Variants in TIMELESS observed in about 807,000 individuals in gnomAD.
TIMELESS encodes the protein protein timeless homolog.
Under a neutral mutation model 164.3 loss-of-function variants are expected in TIMELESS, and 124 were observed. That is an observed-to-expected ratio of 0.75 (90% CI 0.65 to 0.88). The LOEUF (loss-of-function observed/expected upper bound fraction) is 0.88, where lower values mean the gene tolerates loss of function less well. Among genes scored for constraint, TIMELESS ranks in the 40% least tolerant of loss-of-function variants. The probability of loss-of-function intolerance (pLI) is 0.00; values close to 1 mark genes in which losing one functional copy is unlikely to be tolerated. For missense variants in TIMELESS, 1,422 were observed against 1,491.4 expected (o/e 0.95, Z 0.77); for synonymous variants, 564 against 563.4 (o/e 1.00, Z -0.02).
chr12:56,430,987 C>G lies in TIMELESS; in HGVS notation c.822-19G>C, dbSNP rs115879445. On this transcript the variant is annotated intron_variant, in intron 8 of 28. Coordinates refer to ENST00000553532, the MANE Select transcript of TIMELESS (RefSeq NM_003920.5). The stretch of plus-strand genomic sequence containing the variant: ...AGAATGCCTGCAGAAACAAAAAGGT[C>G]CAAGGTGATTTTTCAGTTCTCTGGA... The G allele has an allele frequency of 1.4e-3, 2,148 of 1,528,642 alleles. 19 individuals are homozygous for G. In the African/African-American group the frequency reaches 0.027, roughly 19 times the overall value. The allele number at this position is 1,528,642 out of a possible 1,614,324, so 94.7% of individuals were successfully genotyped here. A position where few individuals can be genotyped will look rare whatever the true frequency, so the allele number is the denominator to read the frequency against.
chr12:56,447,659 C>T (rs1444899080), intron 1 of TIMELESS, among the ~76,000 whole-genome samples: 1 of 152,120 alleles, frequency 6.6e-6, no homozygotes, highest in East Asian at 1.9e-4. Context: ...AAGCCTGGCG[C>T]TAAGCACAGT....
In TIMELESS at chr12:56,424,762, C is replaced by T. The variant is rs377206839; in HGVS notation, c.1868G>A (p.Arg623Gln). The T allele has an allele frequency of 2.0e-5, 33 of 1,613,320 alleles. No individual in the cohort carries two copies. In the African/African-American group the frequency reaches 2.4e-4, roughly 12 times the overall value. ...PQALTLLRSA[R>Q]EVWPEGDVFG... is the part of the protein sequence containing the mutation. ...GAGGATGAGCAGGCAGGGTTCTTAC[C>T]GAGCAGACCTCAGGAGAGTCAGGGC... The change falls in exon 15 of 29, where the codon CGG (arginine) becomes CAG (glutamine). Residue 623 changes from arginine to glutamine, a missense_variant and splice_region_variant. Coordinates refer to ENST00000553532, the MANE Select transcript of TIMELESS (RefSeq NM_003920.5).
At chr12:56,433,512 C>A in intron 4 of TIMELESS, 26 bp downstream of exon 4, 1 of 1,614,000 alleles carries the variant, frequency 6.2e-7, no homozygotes, top group South Asian at 1.1e-5. Flanking sequence ...ATATTCCACC[C>A]CAGGGACTCC....
chr12:56,417,632 T>A lies in TIMELESS; in HGVS notation c.*84A>T, dbSNP rs1304475294. 1 of 1,344,896 alleles carries A rather than the reference T, an allele frequency of 7.4e-7. No individual in the cohort carries two copies. The highest frequency in any genetic ancestry group is 1.1e-6 in the Non-Finnish European group (1 of 937,732). The allele number at this position is 1,344,896 out of a possible 1,614,324, so 83.3% of individuals were successfully genotyped here. On this transcript the variant is annotated 3_prime_UTR_variant, in exon 29 of 29. Coordinates refer to ENST00000553532, the MANE Select transcript of TIMELESS (RefSeq NM_003920.5). ...TGCTCTGTCCAGTAAGAGGAGCTTC[T>A]GGGTCCTGTATGACCCTTCCAACTC...
intron 13 of TIMELESS, 30 bp downstream of exon 13, chr12:56,428,206 C>T: frequency 6.4e-7 from 1 of 1,551,278 alleles, no homozygotes; most frequent in African/African-American, 1.4e-5. Context: ...TCCCTTACAG[C>T]TCTTTCTACA....
At chr12:56,442,926 T>A (rs1868297353) in intron 1 of TIMELESS, among the ~76,000 whole-genome samples, 2 of 152,232 alleles carry the variant, frequency 1.3e-5, no homozygotes, top group South Asian at 4.1e-4. Context: ...ACTTCCCCAA[T>A]CAATACTCTT....
rs1260803398 is a variant in TIMELESS at position 56,432,388 on chromosome 12, G to C, written c.668C>G (p.Ser223Cys). Reference protein sequence around the residue: ...QWSLHVLEIVSLMFRDQNPEQ... With the variant: ...QWSLHVLEIVCLMFRDQNPEQ... Reference sequence around the variant, plus strand: ...TCTCACCTGGTCACGAAACATAAGGGAGACAATCTCTAGCACATGTAGGCT... The same window carrying C: ...TCTCACCTGGTCACGAAACATAAGGCAGACAATCTCTAGCACATGTAGGCT... Residue 223 changes from serine to cysteine, a missense_variant, in exon 7 of 29, where the codon TCC (serine) becomes TGC (cysteine). Coordinates refer to ENST00000553532, the MANE Select transcript of TIMELESS (RefSeq NM_003920.5). The C allele has an allele frequency of 6.2e-7, 1 of 1,614,036 alleles. No individual in the cohort carries two copies. Among genetic ancestry groups the C allele is most frequent in the Non-Finnish European group, 8.5e-7 (1 of 1,179,886 alleles).
intron 20 of TIMELESS, 39 bp downstream of exon 20, chr12:56,422,067 G>C (rs779457491): frequency 1.9e-6 from 3 of 1,613,504 alleles, no homozygotes; most frequent in Non-Finnish European, 2.5e-6. Context: ...AGCTCAAGCT[G>C]CCCTCCTCAT....
Position 56,420,609 on chromosome 12 carries a change from A to T in TIMELESS, c.3188T>A (p.Leu1063Gln), listed in dbSNP as rs374080380. 2 of 1,614,252 alleles carry T rather than the reference A, an allele frequency of 1.2e-6. No individual in the cohort carries two copies. The highest frequency in any genetic ancestry group is 8.5e-7 in the Non-Finnish European group (1 of 1,180,046). ...GGGCCGAACCCCTAGCTTGCGCAACAGCTGCTGAAACTGTTCGTTTTCCAT... is the reference window on the plus strand; with the variant it reads ...GGGCCGAACCCCTAGCTTGCGCAACTGCTGCTGAAACTGTTCGTTTTCCAT... ...EAMENEQFQQ[L>Q]LRKLGVRPPA... is the part of the protein sequence containing the mutation. The change falls in exon 26 of 29, where the codon CTG (leucine) becomes CAG (glutamine). Residue 1063 changes from leucine to glutamine, a missense_variant. By Grantham distance (113) the Leu-to-Gln change is moderately radical. Transcript: ENST00000553532.
In TIMELESS at chr12:56,424,790, G is replaced by A; in HGVS notation, c.1840C>T (p.Gln614Ter). The A allele has an allele frequency of 6.2e-7, 1 of 1,614,196 alleles. No homozygotes were observed. The highest frequency in any genetic ancestry group is 1.1e-5 in the South Asian group (1 of 91,090). ...GCAGACCTCAGGAGAGTCAGGGCCT[G>A]TGGGGCCTGGCCAGCCAGGAGACAG... is the stretch of plus-strand genomic sequence containing the variant. ...QDCLLAGQAP[Q>*]ALTLLRSARE... The change falls in exon 15 of 29, where the codon CAG becomes TAG. Residue 614 changes from glutamine (Q) to a stop codon, truncating the protein, a stop_gained. Coordinates refer to ENST00000553532, the MANE Select transcript of TIMELESS (RefSeq NM_003920.5). LOFTEE classifies it high-confidence loss of function.
intron 7 of TIMELESS, 71 bp downstream of exon 7, chr12:56,432,298 A>C: frequency 6.6e-7 from 1 of 1,522,368 alleles, no homozygotes; most frequent in Non-Finnish European, 8.9e-7. Context: ...CATTATCACA[A>C]GAGCAATTCT....
chr12:56,438,149 G>A (rs938256745), intron 1 of TIMELESS, among the ~76,000 whole-genome samples: 5 of 151,996 alleles, frequency 3.3e-5, no homozygotes, highest in African/African-American at 7.2e-5. Flanking sequence ...GGGTTCAAGC[G>A]ATTCTCCTGC....
At chr12:56,444,055 G>A (rs1045706779) in intron 1 of TIMELESS, among the ~76,000 whole-genome samples, 17 of 151,928 alleles carry the variant, frequency 1.1e-4, no homozygotes, top group South Asian at 2.1e-4. Flanking sequence ...CCGCCACCAC[G>A]CTTGGCTAAT....
chr12:56,420,529 A>G lies in TIMELESS; in HGVS notation c.3228+40T>C, dbSNP rs200789484. The G allele has an allele frequency of 1.5e-5, 23 of 1,542,104 alleles. No individual in the cohort carries two copies. The Middle Eastern group carries it at 5.1e-4, about 34-fold the overall frequency. On this transcript the variant is annotated intron_variant, in intron 26 of 28. Coordinates refer to ENST00000553532, the MANE Select transcript of TIMELESS (RefSeq NM_003920.5). ...AGGAGGAGATGTATTTGGAAATAGGACTAACACGCCTTGGTTGACACTGTA... is the reference window on the plus strand; with the variant it reads ...AGGAGGAGATGTATTTGGAAATAGGGCTAACACGCCTTGGTTGACACTGTA...
chr12:56,422,761 T>G, intron 19 of TIMELESS, 86 bp downstream of exon 19: 1 of 1,421,136 alleles, frequency 7.0e-7, no homozygotes, highest in Admixed American at 2.1e-5. Flanking sequence ...CTAAATGACA[T>G]GCAAGCTCTT....
chr12:56,426,164 C>T (rs774052), intron 13 of TIMELESS, among the ~76,000 whole-genome samples: 147,063 of 152,290 alleles, frequency 0.97, 71,228 homozygotes, highest in East Asian at 1. Flanking sequence ...TGGGCACATG[C>T]GCTACTGTGA....
chr12:56,437,105 T>G (rs1047445559), intron 1 of TIMELESS, among the ~76,000 whole-genome samples: 1 of 152,106 alleles, frequency 6.6e-6, no homozygotes, highest in African/African-American at 2.4e-5. Context: ...AACTTTGTAT[T>G]TTTAGTAGAG....
In TIMELESS at chr12:56,421,902, T is replaced by C; in HGVS notation, c.2639A>G (p.Gln880Arg). The part of the protein sequence containing the change: ...MGLADSVKDF[Q>R]RKGTHIVLWT... ...TCCAGAGCATGTGCCTCTCTACCTT[T>C]GGAAGTCCTTGACACTGTCAGCCAG... is the stretch of plus-strand genomic sequence containing the variant. The change falls in exon 21 of 29, where the codon CAA becomes CGA. Residue 880 changes from glutamine to arginine, a missense_variant. Coordinates refer to ENST00000553532, the MANE Select transcript of TIMELESS (RefSeq NM_003920.5). 6.2e-7 allele frequency: 1 copy of C among 1,614,106 alleles called. No individual in the cohort carries two copies. Among genetic ancestry groups the C allele is most frequent in the Non-Finnish European group, 8.5e-7 (1 of 1,179,988 alleles).
rs769893808 is a variant in TIMELESS, at chr12:56,432,446, A to G, written c.610T>C (p.Phe204Leu). The change falls in exon 7 of 29, where the codon TTT becomes CTT. Residue 204 changes from phenylalanine to leucine, a missense_variant. Physicochemically the swap from Phe to Leu is conservative, Grantham distance 22. Coordinates refer to ENST00000553532, the MANE Select transcript of TIMELESS (RefSeq NM_003920.5). ...HLSGLDDLLLFLASSSAEEQW... is the reference protein window; with the variant it reads ...HLSGLDDLLLLLASSSAEEQW... Reference sequence around the variant, plus strand: ...TCCTCAGCAGACGAGCTGGCCAGAAAGAGGAGCAGGTCATCCAGGCCGCTG... The same window carrying G: ...TCCTCAGCAGACGAGCTGGCCAGAAGGAGGAGCAGGTCATCCAGGCCGCTG... The G allele has an allele frequency of 6.2e-7, 1 of 1,614,270 alleles. No individual in the cohort carries two copies.
Sources: allele counts gnomAD v4.1 joint callset (sites outside exome capture counted in the v4.1 genomes callset), GRCh38; gene constraint gnomAD v4.1.1; transcripts MANE v1.5; gene names NCBI Gene and HGNC (gene_info 2026-07-23, HGNC 2026-07-21).